The following ZPBP variants were observed in gnomAD, a reference collection of about 807,000 sequenced individuals.
ZPBP encodes the protein zona pellucida-binding protein 1.
A neutral mutation model predicts 44.8 loss-of-function variants in ZPBP; 26 were observed. The ratio of observed to expected loss-of-function variants is 0.58; its 90% CI spans 0.43 to 0.81. The LOEUF is 0.81. Among genes scored for constraint, ZPBP ranks in the 30% least tolerant of loss-of-function variants. ZPBP has a pLI of 0.00. For missense variants in ZPBP, 409 were observed against 434.0 expected (o/e 0.94, Z 0.51); for synonymous variants, 174 against 153.2 (o/e 1.14, Z -1.00).
intron 7 of ZPBP, among the ~76,000 whole-genome samples, chr7:49,968,689 A>T (rs537377295): frequency 6.6e-6 from 1 of 152,154 alleles, no homozygotes; most frequent in African/African-American, 2.4e-5. Flanking sequence ...TATATATTCA[A>T]GGAAAATATT....
chr7:49,975,362 T>C (rs543083405), intron 7 of ZPBP, among the ~76,000 whole-genome samples: 11 of 152,104 alleles, frequency 7.2e-5, no homozygotes, highest in Admixed American at 1.3e-4. Context: ...TGCTGTTCCT[T>C]CTCATAGTTT....
At chr7:49,886,203 G>A (rs1562752944) in intron 2 of ZPBP, among the ~76,000 whole-genome samples, 1 of 152,138 alleles carries the variant, frequency 6.6e-6, no homozygotes, top group South Asian at 2.1e-4. Flanking sequence ...GAAGTGAGGG[G>A]ACCTTGGTAA....
intron 2 of ZPBP, among the ~76,000 whole-genome samples, chr7:49,878,098 C>T (rs1279143752): frequency 6.6e-6 from 1 of 152,074 alleles, no homozygotes; most frequent in African/African-American, 2.4e-5. Flanking sequence ...AGTCTGTCCC[C>T]TTGACGTAAA....
intron 2 of ZPBP, among the ~76,000 whole-genome samples, chr7:49,878,134 C>G (rs1791520647): frequency 6.6e-6 from 1 of 152,056 alleles, no homozygotes; most frequent in Non-Finnish European, 1.5e-5. Flanking sequence ...GTGCTTCTAC[C>G]CACAGCCTGG....
intron 4 of ZPBP, among the ~76,000 whole-genome samples, chr7:50,037,387 C>T (rs1584094832): frequency 6.6e-6 from 1 of 152,326 alleles, no homozygotes; most frequent in Admixed American, 6.5e-5. Context: ...CTATAAAGAA[C>T]TACTTAAGAC....
intron 6 of ZPBP, among the ~76,000 whole-genome samples, chr7:49,983,776 G>T (rs1797132077): frequency 6.6e-6 from 1 of 151,794 alleles, no homozygotes; most frequent in South Asian, 2.1e-4. Flanking sequence ...TTTGTATTTT[G>T]AATAATACAG....
intron 6 of ZPBP, among the ~76,000 whole-genome samples, chr7:49,999,732 C>A (rs1171674420): frequency 2.0e-5 from 3 of 152,124 alleles, no homozygotes; most frequent in African/African-American, 7.2e-5. Context: ...TATTCAAGTT[C>A]TCAGTGGAGT....
Position 49,973,175 on chromosome 7 carries a change from G to A in ZPBP, c.961+10167C>T, listed in dbSNP as rs1481798969. Among the ~76,000 whole-genome samples, 3 of 151,318 alleles carry A rather than the reference G, an allele frequency of 2.0e-5. No homozygotes were observed. In the South Asian group the frequency reaches 6.3e-4, roughly 32 times the overall value. On this transcript the variant is annotated intron_variant, in intron 7 of 7. Coordinates refer to ENST00000046087, the MANE Select transcript of ZPBP (RefSeq NM_007009.3). ...CACTGAATTTGGCAACTACTCCTTG[G>A]ATATGGTAACAAAACCATAGACAAC...
chr7:49,947,479 G>A (rs1795150594), intron 7 of ZPBP, among the ~76,000 whole-genome samples: 1 of 152,180 alleles, frequency 6.6e-6, no homozygotes, highest in Non-Finnish European at 1.5e-5. Context: ...CTGCCTTGGA[G>A]GTTTTGGGTA....
intron 6 of ZPBP, among the ~76,000 whole-genome samples, chr7:49,987,945 T>C (rs1797388679): frequency 6.6e-6 from 1 of 152,138 alleles, no homozygotes; most frequent in Non-Finnish European, 1.5e-5. Flanking sequence ...GTTGTCAAAA[T>C]GTAAATTTTT....
At chr7:49,880,648 CAG>C (rs887532243) in intron 2 of ZPBP, among the ~76,000 whole-genome samples, 11 of 151,276 alleles carry the variant, frequency 7.3e-5, no homozygotes, top group Middle Eastern at 6.9e-3. Flanking sequence ...CACTTGGACA[CAG>C]GGTGGGGAAC....
At chr7:50,020,154 A>C (rs902023716) in intron 5 of ZPBP, among the ~76,000 whole-genome samples, 1 of 152,080 alleles carries the variant, frequency 6.6e-6, no homozygotes, top group African/African-American at 2.4e-5. Context: ...CAGCTTTTGA[A>C]TGGACTGTCC....
chr7:50,086,055 T>A (rs1455164018), intron 2 of ZPBP, among the ~76,000 whole-genome samples: 2 of 152,112 alleles, frequency 1.3e-5, no homozygotes, highest in Non-Finnish European at 2.9e-5. Context: ...ACTAGGAGAC[T>A]AACTAGTTCA....
the ZPBP span, among the ~76,000 whole-genome samples, chr7:49,843,273 T>C: frequency 6.6e-6 from 1 of 152,182 alleles, no homozygotes; most frequent in African/African-American, 2.4e-5. Flanking sequence ...TGGTTTAAAC[T>C]TCATTTTCTC....
chr7:49,952,675 G>A (rs1795398539), intron 7 of ZPBP, among the ~76,000 whole-genome samples: 1 of 151,932 alleles, frequency 6.6e-6, no homozygotes, highest in Non-Finnish European at 1.5e-5. Context: ...TGGTTTACTA[G>A]ACATAAAAGT....
rs200452451 is a variant in ZPBP at position 49,859,785 on chromosome 7, T to TGC, written n.510-9273_510-9272dup. 6.1e-3 allele frequency among the ~76,000 whole-genome samples: 489 copies of TGC among 79,988 alleles called. 1 individual carries two copies. The highest frequency in any genetic ancestry group is 9.9e-3 in the South Asian group (26 of 2,620). The allele number at this position is 79,988 out of a possible 152,430, so 52.5% of individuals were successfully genotyped here. On this transcript the variant is annotated intron_variant and non_coding_transcript_variant, in intron 2 of 2. Transcript: ENST00000465922. ...TACTTGATGTGTCTTACAGTGCGCG[T>TGC]GCGTGCACACACACACACACACACA...
At chr7:50,013,571 T>A (rs991477873) in intron 6 of ZPBP, among the ~76,000 whole-genome samples, 1 of 152,040 alleles carries the variant, frequency 6.6e-6, no homozygotes, top group African/African-American at 2.4e-5. Flanking sequence ...TTTCAAAGAC[T>A]AATTTTTATT....
intron 4 of ZPBP, among the ~76,000 whole-genome samples, chr7:50,038,326 A>G (rs1799911874): frequency 6.6e-6 from 1 of 152,214 alleles, no homozygotes; most frequent in Non-Finnish European, 1.5e-5. Flanking sequence ...CTGAGAACAG[A>G]TTCATAGATT....
chr7:49,931,257 C>A (rs949475307), intron 1 of ZPBP, among the ~76,000 whole-genome samples: 20 of 152,130 alleles, frequency 1.3e-4, no homozygotes, highest in Non-Finnish European at 2.9e-4. Context: ...GAAAAGATAC[C>A]TGAAAACGTG....
Sources: gnomAD v4.1 joint callset for allele counts (sites outside exome capture counted in the v4.1 genomes callset) on GRCh38, gnomAD v4.1.1 for gene constraint, MANE v1.5 for transcripts, NCBI Gene and HGNC (gene_info 2026-07-23, HGNC 2026-07-21) for gene names.